MACROD2: variants seen among roughly 807,000 people sequenced by gnomAD.
MACROD2 encodes the protein mono-ADP ribosylhydrolase 2.
A neutral mutation model predicts 70.4 loss-of-function variants in MACROD2; 36 were observed. That is an observed-to-expected ratio of 0.51 (90% CI 0.39 to 0.68). The LOEUF (loss-of-function observed/expected upper bound fraction) is 0.68. Ranked by LOEUF, MACROD2 falls within the 30% of genes least tolerant of loss-of-function variation. MACROD2 has a pLI of 0.00. For synonymous variants in MACROD2, 172 were observed against 178.8 expected, an observed-to-expected ratio of 0.96 and a Z score of 0.30; for missense variants, 496 against 538.4, an observed-to-expected ratio of 0.92 and a Z score of 0.78.
chr20:14,508,139 A>G (rs1037150330), intron 4 of MACROD2, among the ~76,000 whole-genome samples: 1 of 152,174 alleles, frequency 6.6e-6, no homozygotes, highest in African/African-American at 2.4e-5. Flanking sequence ...GACTCAAGAA[A>G]CAAGAGTTTC....
intron 8 of MACROD2, among the ~76,000 whole-genome samples, chr20:15,725,859 CTTTTA>C (rs762674619): frequency 4.0e-5 from 6 of 151,446 alleles, no homozygotes; most frequent in East Asian, 3.9e-4. Context: ...TTTATATTAA[CTTTTA>C]TTTTAAGTTG....
chr20:15,716,874 A>G (rs866309559), intron 8 of MACROD2, among the ~76,000 whole-genome samples: 1 of 152,204 alleles, frequency 6.6e-6, no homozygotes, highest in African/African-American at 2.4e-5. Context: ...GGAAATGAAA[A>G]TATAGTGATA....
At chr20:14,179,485 ATTC>A (rs2081289957) in intron 3 of MACROD2, among the ~76,000 whole-genome samples, 1 of 152,164 alleles carries the variant, frequency 6.6e-6, no homozygotes, top group African/African-American at 2.4e-5. Flanking sequence ...TAAATGTACT[ATTC>A]TGTCTATCTA....
At chr20:15,252,563 T>G (rs1328656460) in intron 6 of MACROD2, among the ~76,000 whole-genome samples, 1 of 152,116 alleles carries the variant, frequency 6.6e-6, no homozygotes, top group Non-Finnish European at 1.5e-5. Context: ...CTAGAAGAAG[T>G]CATTCGGCCA....
intron 5 of MACROD2, among the ~76,000 whole-genome samples, chr20:14,946,388 G>GAT (rs1555854110): frequency 6.6e-6 from 1 of 151,956 alleles, no homozygotes; most frequent in Non-Finnish European, 1.5e-5. Context: ...TAAAGAAGAT[G>GAT]ATATATATCA....
intron 5 of MACROD2, among the ~76,000 whole-genome samples, chr20:15,052,840 A>G (rs890047710): frequency 6.6e-6 from 1 of 152,252 alleles, no homozygotes; most frequent in Non-Finnish European, 1.5e-5. Flanking sequence ...CTCTTGTGCC[A>G]AATAGCCAAG....
At chr20:14,772,745 G>A (rs1823578797) in intron 5 of MACROD2, among the ~76,000 whole-genome samples, 1 of 152,038 alleles carries the variant, frequency 6.6e-6, no homozygotes, top group Admixed American at 6.5e-5. Flanking sequence ...ATGACAGTGA[G>A]TCAGTGCTAT....
chr20:14,006,323 C>G (rs989001887), intron 2 of MACROD2, among the ~76,000 whole-genome samples: 3 of 152,150 alleles, frequency 2.0e-5, no homozygotes, highest in African/African-American at 7.2e-5. Flanking sequence ...TACCCAGTTT[C>G]AACAGTTATT....
At chr20:15,176,642 CCT>C (rs989300538) in intron 5 of MACROD2, among the ~76,000 whole-genome samples, 25 of 152,238 alleles carry the variant, frequency 1.6e-4, no homozygotes, top group African/African-American at 6.0e-4. Flanking sequence ...CAATGGAGCT[CCT>C]CTCCACATTG....
At chr20:16,034,505 G>A (rs1385889648) in intron 15 of MACROD2, among the ~76,000 whole-genome samples, 1 of 151,904 alleles carries the variant, frequency 6.6e-6, no homozygotes, top group Non-Finnish European at 1.5e-5. Context: ...TGGAATAATA[G>A]CCTTCTTCCA....
chr20:14,012,117 G>C (rs2052918333), intron 2 of MACROD2, among the ~76,000 whole-genome samples: 1 of 151,938 alleles, frequency 6.6e-6, no homozygotes, highest in South Asian at 2.1e-4. Flanking sequence ...ACGTTGGCCA[G>C]GCTGGTCTGG....
chr20:14,793,232 G>T (rs748341459), intron 5 of MACROD2, among the ~76,000 whole-genome samples: 1 of 151,912 alleles, frequency 6.6e-6, no homozygotes, highest in Non-Finnish European at 1.5e-5. Flanking sequence ...TCAGGTTATA[G>T]TGTGAATTAG....
chr20:14,457,900 G>C (rs1323307205), intron 3 of MACROD2, among the ~76,000 whole-genome samples: 1 of 152,074 alleles, frequency 6.6e-6, no homozygotes, highest in Non-Finnish European at 1.5e-5. Flanking sequence ...AGGAGTTCAA[G>C]ACCAGCCTGG....
At chr20:15,653,425 A>G (rs1401261545) in intron 8 of MACROD2, among the ~76,000 whole-genome samples, 1 of 152,222 alleles carries the variant, frequency 6.6e-6, no homozygotes, top group Non-Finnish European at 1.5e-5. Flanking sequence ...GTAGATGAAT[A>G]TTTTGGCTAT....
Position 15,577,184 on chromosome 20 carries a change from ACT to A in MACROD2, c.645+77340_645+77341del, listed in dbSNP as rs145937273. The stretch of plus-strand genomic sequence containing the variant: ...TACTCCTTTGTCTTCAGAAGCAATC[ACT>A]CTTTTTTTTTTTAACTTTTTATAAT... On this transcript the variant is annotated intron_variant, in intron 8 of 17. Transcript: ENST00000684519. Among the ~76,000 whole-genome samples, 857 of 150,912 alleles carry A rather than the reference ACT, an allele frequency of 5.7e-3. 8 individuals carry two copies. Among genetic ancestry groups the A allele is most frequent in the African/African-American group, 0.019 (794 of 41,106 alleles).
At chr20:15,360,387 C>A (rs2078337905) in intron 6 of MACROD2, among the ~76,000 whole-genome samples, 1 of 152,070 alleles carries the variant, frequency 6.6e-6, no homozygotes, top group African/African-American at 2.4e-5. Flanking sequence ...AACCAGCAAT[C>A]ATGTGATTGC....
chr20:15,000,439 C>T (rs1012582423), intron 5 of MACROD2, among the ~76,000 whole-genome samples: 3 of 131,020 alleles, frequency 2.3e-5, no homozygotes, highest in South Asian at 4.5e-4. Context: ...CTGGCTAACA[C>T]GGTGAAACCC....
intron 9 of MACROD2, among the ~76,000 whole-genome samples, chr20:15,872,550 C>A (rs1350100961): frequency 6.6e-6 from 1 of 152,126 alleles, no homozygotes; most frequent in African/African-American, 2.4e-5. Flanking sequence ...TTGTCATGTG[C>A]AAACATACTA....
At chr20:15,553,219 G>A (rs942038671) in intron 8 of MACROD2, among the ~76,000 whole-genome samples, 7 of 152,018 alleles carry the variant, frequency 4.6e-5, no homozygotes, top group Admixed American at 1.3e-4. Flanking sequence ...CACACGAGTC[G>A]ACAAAATAAA....
Sources: allele counts gnomAD v4.1 joint callset (sites outside exome capture counted in the v4.1 genomes callset), GRCh38; gene constraint gnomAD v4.1.1; transcripts MANE v1.5; gene names NCBI Gene and HGNC (gene_info 2026-07-23, HGNC 2026-07-21).